The following CTNNA2 variants were observed in gnomAD, a reference collection of about 807,000 sequenced individuals.
CTNNA2 encodes the protein catenin alpha-2.
A neutral mutation model predicts 101.0 loss-of-function variants in CTNNA2; 42 were observed. That is an observed-to-expected ratio of 0.42 (90% CI 0.32 to 0.54). The LOEUF is 0.54. Ranked by LOEUF, CTNNA2 falls within the 20% of genes least tolerant of loss-of-function variation. The pLI is 0.14. For synonymous variants in CTNNA2, 450 were observed against 456.4 expected, an observed-to-expected ratio of 0.99 and a Z score of 0.18; for missense variants, 871 against 1,223.1, an observed-to-expected ratio of 0.71 and a Z score of 4.29.
chr2:79,406,419 C>A (rs913184863), intron 4 of CTNNA2, among the ~76,000 whole-genome samples: 1 of 152,036 alleles, frequency 6.6e-6, no homozygotes, highest in Non-Finnish European at 1.5e-5. Context: ...CATTCAGGCC[C>A]CACAATGGGC....
rs72822584 is a variant in CTNNA2 at position 79,735,802 on chromosome 2, G to A, written c.103-8585G>A. Among the ~76,000 whole-genome samples the A allele has an allele frequency of 8.3e-3, 1,257 of 152,196 alleles. 5 individuals are homozygous for A. Among genetic ancestry groups the A allele is most frequent in the Middle Eastern group, 0.014 (4 of 294 alleles). ...GTCTTCCAGGTCTCAGTATCAGTGG[G>A]CATGCATCTGAATTCTATGCAGTTA... On this transcript the variant is annotated intron_variant, in intron 2 of 18. Transcript: ENST00000402739.
Position 80,374,678 on chromosome 2 carries a change from C to CGTGTGTGTGT in CTNNA2, c.1057-18530_1057-18529insTGTGTGTGTG, listed in dbSNP as rs1337506974. 7.7e-3 allele frequency among the ~76,000 whole-genome samples: 1,106 copies of CGTGTGTGTGT among 143,108 alleles called. 20 individuals are homozygous for CGTGTGTGTGT. The highest frequency in any genetic ancestry group is 0.051 in the East Asian group (233 of 4,584). The allele number at this position is 143,108 out of a possible 152,430, so 93.9% of individuals were successfully genotyped here. Reference sequence around the variant, plus strand: ...ACACTGTCTTTCCTCTGCGTGCGTGCGTGCGTGTGTGTGTGTGTGTGTGTG... The same window carrying CGTGTGTGTGT: ...ACACTGTCTTTCCTCTGCGTGCGTGCGTGTGTGTGTGTGCGTGTGTGTGTGTGTGTGTGTG... On this transcript the variant is annotated intron_variant, in intron 7 of 18. Transcript: ENST00000402739.
intron 9 of CTNNA2, among the ~76,000 whole-genome samples, chr2:80,426,207 G>A (rs1375531838): frequency 1.3e-5 from 2 of 152,150 alleles, no homozygotes; most frequent in Non-Finnish European, 2.9e-5. Context: ...GGTACCTCAC[G>A]TCTAAGCCTT....
chr2:80,357,970 A>G (rs1674001039), intron 7 of CTNNA2, among the ~76,000 whole-genome samples: 2 of 152,120 alleles, frequency 1.3e-5, no homozygotes, highest in South Asian at 4.1e-4. Flanking sequence ...ACTCAAAGCT[A>G]GATATAAGTG....
At chr2:79,998,504 C>T (rs939243790) in intron 7 of CTNNA2, among the ~76,000 whole-genome samples, 12 of 152,130 alleles carry the variant, frequency 7.9e-5, no homozygotes, top group African/African-American at 2.4e-4. Context: ...TTCAAGCCGG[C>T]TACCTTTTAG....
At chr2:80,298,730 A>G (rs1275299642) in intron 7 of CTNNA2, 1 of 152,216 alleles carries the variant, frequency 6.6e-6, no homozygotes, top group Non-Finnish European at 1.5e-5. Context: ...TGAGTTCAGA[A>G]GAATATTTTT....
chr2:79,641,401 T>C (rs1367253740), intron 1 of CTNNA2, among the ~76,000 whole-genome samples: 1 of 152,238 alleles, frequency 6.6e-6, no homozygotes, highest in African/African-American at 2.4e-5. Context: ...AAAGAAGCTA[T>C]GTTCCTATTA....
At chr2:80,481,343 G>C (rs1686127139) in intron 9 of CTNNA2, among the ~76,000 whole-genome samples, 1 of 152,026 alleles carries the variant, frequency 6.6e-6, no homozygotes, top group Non-Finnish European at 1.5e-5. Context: ...CCATTCCCAA[G>C]TTCCTCGTTT....
At chr2:80,534,703 G>A (rs1487146478) in intron 9 of CTNNA2, among the ~76,000 whole-genome samples, 5 of 152,158 alleles carry the variant, frequency 3.3e-5, no homozygotes, top group African/African-American at 1.2e-4. Flanking sequence ...ACAGTGTTGA[G>A]GAATATGGGA....
intron 2 of CTNNA2, among the ~76,000 whole-genome samples, chr2:79,311,303 G>A (rs1471678181): frequency 6.6e-6 from 1 of 151,634 alleles, no homozygotes; most frequent in Non-Finnish European, 1.5e-5. Context: ...CAGCTACTCG[G>A]GAGGCTGAGG....
intron 9 of CTNNA2, among the ~76,000 whole-genome samples, chr2:80,487,036 A>C: frequency 6.6e-6 from 1 of 152,148 alleles, no homozygotes; most frequent in South Asian, 2.1e-4. Context: ...CTGTAATCCC[A>C]GCACTTTGGG....
chr2:79,629,943 A>C (rs912751664), intron 1 of CTNNA2, among the ~76,000 whole-genome samples: 1 of 152,114 alleles, frequency 6.6e-6, no homozygotes, highest in Non-Finnish European at 1.5e-5. Flanking sequence ...CCCATATCCT[A>C]GTCAAAGCAG....
At position 79,281,050 on chromosome 2, in the gene CTNNA2, C is replaced by G. The variant is rs565735819; in HGVS notation, c.-405-31659C>G. On this transcript the variant is annotated intron_variant, in intron 2 of 21. Coordinates refer to the CTNNA2 transcript ENST00000466387. ...TCCCCCTCTTTGCTGTCCTACCCCC[C>G]ACATCCTTATGGGGCTTCACCAGCT... Among the ~76,000 whole-genome samples the G allele has an allele frequency of 6.6e-5, 10 of 152,180 alleles. No individual in the cohort carries two copies. The East Asian group carries it at 1.6e-3, about 24-fold the overall frequency.
chr2:79,284,818 TA>T (rs1330667193), intron 2 of CTNNA2, among the ~76,000 whole-genome samples: 1 of 147,552 alleles, frequency 6.8e-6, no homozygotes, highest in Non-Finnish European at 1.5e-5. Flanking sequence ...TTGATTGGAA[TA>T]GTTTCAGAAG....
intron 1 of CTNNA2, among the ~76,000 whole-genome samples, chr2:79,623,074 C>G (rs909140435): frequency 6.6e-6 from 1 of 151,908 alleles, no homozygotes; most frequent in Non-Finnish European, 1.5e-5. Flanking sequence ...AATAAATAAG[C>G]CTTTTAGGAG....
chr2:80,512,430 G>T (rs1008969112), intron 9 of CTNNA2, among the ~76,000 whole-genome samples: 1 of 151,992 alleles, frequency 6.6e-6, no homozygotes, highest in African/African-American at 2.4e-5. Flanking sequence ...TGGCTGTGTA[G>T]GTTTAAAAGA....
At chr2:79,615,175 A>G (rs1295884943) in intron 1 of CTNNA2, among the ~76,000 whole-genome samples, 2 of 152,104 alleles carry the variant, frequency 1.3e-5, no homozygotes, top group Non-Finnish European at 2.9e-5. Context: ...AGTGCCTTTT[A>G]ATTATTTTTA....
intron 3 of CTNNA2, among the ~76,000 whole-genome samples, chr2:79,343,808 A>G (rs930477418): frequency 2.0e-5 from 3 of 151,858 alleles, no homozygotes; most frequent in African/African-American, 7.3e-5. Context: ...TCTGAACCTA[A>G]CTCTTCAGCT....
At chr2:80,013,372 GA>G (rs1467361834) in intron 7 of CTNNA2, among the ~76,000 whole-genome samples, 1 of 152,186 alleles carries the variant, frequency 6.6e-6, no homozygotes, top group African/African-American at 2.4e-5. Flanking sequence ...TATTTTAGGG[GA>G]GGAGAAAAGA....
Sources: allele counts gnomAD v4.1 joint callset (sites outside exome capture counted in the v4.1 genomes callset), GRCh38; gene constraint gnomAD v4.1.1; transcripts MANE v1.5; gene names NCBI Gene and HGNC (gene_info 2026-07-23, HGNC 2026-07-21).